BPGM: variants seen among roughly 807,000 people sequenced by gnomAD.
BPGM encodes bisphosphoglycerate mutase.
A neutral mutation model predicts 21.6 loss-of-function variants in BPGM; 15 were observed. That is an observed-to-expected ratio of 0.70 (90% CI 0.47 to 1.07). The LOEUF is 1.07. Ranked by LOEUF, BPGM falls within the 50% of genes least tolerant of loss-of-function variation. The pLI is 0.00. For synonymous variants in BPGM, 113 were observed against 116.2 expected (o/e 0.97, Z 0.18); for missense variants, 273 against 319.0 (o/e 0.86, Z 1.10).
chr7:134,670,824 C>T (rs978341892), intron 2 of BPGM, among the ~76,000 whole-genome samples: 1 of 151,754 alleles, frequency 6.6e-6, no homozygotes, highest in Non-Finnish European at 1.5e-5. Context: ...TTTTCTAATT[C>T]CAAAGAGTAT....
At chr7:134,654,005 T>C (rs1056408511) in intron 1 of BPGM, among the ~76,000 whole-genome samples, 1 of 152,124 alleles carries the variant, frequency 6.6e-6, no homozygotes, top group South Asian at 2.1e-4. Context: ...ACCTTGCCTT[T>C]CCAAATCCAG....
At chr7:134,649,409 G>C (rs1025786189) in intron 1 of BPGM, among the ~76,000 whole-genome samples, 1 of 152,170 alleles carries the variant, frequency 6.6e-6, no homozygotes. Flanking sequence ...TCTTTTGCCT[G>C]CTGTGGTTGG....
Position 134,661,964 on chromosome 7 carries a change from C to T in BPGM, c.457C>T (p.Pro153Ser), listed in dbSNP as rs1160557397. 5.6e-6 allele frequency: 9 copies of T among 1,614,156 alleles called. No homozygotes were observed. Among genetic ancestry groups the T allele is most frequent in the Non-Finnish European group, 7.6e-6 (9 of 1,180,030 alleles). The change falls in exon 2 of 3, where the codon CCA (proline) becomes TCA (serine). Residue 153 changes from proline (P) to serine (S), a missense_variant. By Grantham distance (74) the Pro-to-Ser change is moderately conservative (BLOSUM62 -1). Coordinates refer to ENST00000344924, the MANE Select transcript of BPGM (RefSeq NM_001724.5). This position sits in a 1 kb window ranked among gnomAD's most constrained non-coding sequence, Gnocchi z 4.6. ...KVCDVPLDQL[P>S]RSESLKDVLE... is the part of the protein sequence containing the mutation. ...ATGCGATGTGCCCTTGGATCAACTG[C>T]CACGGTCGGAAAGCTTAAAGGATGT...
At chr7:134,669,434 C>A (rs1352095177) in intron 2 of BPGM, among the ~76,000 whole-genome samples, 2 of 151,966 alleles carry the variant, frequency 1.3e-5, no homozygotes, top group Middle Eastern at 3.4e-3. Flanking sequence ...TGCTTATTAT[C>A]ATCAATTTCT....
chr7:134,659,656 G>T (rs1464699885), intron 1 of BPGM, among the ~76,000 whole-genome samples: 1 of 152,118 alleles, frequency 6.6e-6, no homozygotes, highest in South Asian at 2.1e-4. Context: ...AGGCTCTTCT[G>T]GTTCCCTGGC....
At chr7:134,652,087 G>T (rs561553341) in intron 1 of BPGM, among the ~76,000 whole-genome samples, 1 of 152,310 alleles carries the variant, frequency 6.6e-6, no homozygotes, top group South Asian at 2.1e-4. Context: ...TGATTTAAAT[G>T]TCTTCAGTAT....
At chr7:134,654,982 A>C (rs2131419397) in intron 1 of BPGM, among the ~76,000 whole-genome samples, 1 of 152,320 alleles carries the variant, frequency 6.6e-6, no homozygotes, top group East Asian at 1.9e-4. Context: ...TCTTCAAGCC[A>C]GATCACACTT....
chr7:134,660,469 G>A (rs1035119716), intron 1 of BPGM: 2 of 152,590 alleles, frequency 1.3e-5, no homozygotes, highest in African/African-American at 2.4e-5. Flanking sequence ...CAGATTCTCC[G>A]AGGATGGAGT....
At chr7:134,673,702 G>A (rs1783013785) in intron 2 of BPGM, among the ~76,000 whole-genome samples, 1 of 152,106 alleles carries the variant, frequency 6.6e-6, no homozygotes, top group Non-Finnish European at 1.5e-5. Flanking sequence ...GTCCATTTAG[G>A]ACCCAGCCTT....
At chr7:134,665,493 T>G (rs1795802303) in intron 2 of BPGM, among the ~76,000 whole-genome samples, 2 of 60,110 alleles carry the variant, frequency 3.3e-5, no homozygotes, top group Non-Finnish European at 2.8e-5. Flanking sequence ...AGGGATAGTA[T>G]TGGGAGATAT....
intron 1 of BPGM, among the ~76,000 whole-genome samples, chr7:134,657,962 A>AG (rs1343702523): frequency 1.3e-5 from 2 of 152,092 alleles, no homozygotes; most frequent in Non-Finnish European, 1.5e-5. Context: ...GGCCTAGGGG[A>AG]GGTTTCCCTT....
rs1275417187 is a variant in BPGM at position 134,661,347 on chromosome 7, G to T, written c.-61-100G>T. 2 of 974,874 alleles carry T rather than the reference G, an allele frequency of 2.1e-6. No individual in the cohort carries two copies. The highest frequency in any genetic ancestry group is 3.1e-6 in the Non-Finnish European group (2 of 648,040). The allele number at this position is 974,874 out of a possible 1,614,324, so 60.4% of individuals were successfully genotyped here. On this transcript the variant is annotated intron_variant, in intron 1 of 2. Transcript: ENST00000344924. The surrounding 1 kb of genome is among the most constrained non-coding windows in gnomAD (Gnocchi z 4.6). ...TATCACATTTCTGACTGTTCAAAGG[G>T]ATTTCAGTTTCTTTTAGAAATTGGG...
chr7:134,657,607 C>T (rs916067439), intron 1 of BPGM, among the ~76,000 whole-genome samples: 2 of 152,114 alleles, frequency 1.3e-5, no homozygotes, highest in Non-Finnish European at 2.9e-5. Context: ...ATCACCTGAA[C>T]CTAACCCTAG....
At chr7:134,653,437 G>C (rs1585852329) in intron 1 of BPGM, among the ~76,000 whole-genome samples, 1 of 152,120 alleles carries the variant, frequency 6.6e-6, no homozygotes, top group African/African-American at 2.4e-5. Context: ...CATACTCCTG[G>C]GTTTTCCTGT....
intron 2 of BPGM, among the ~76,000 whole-genome samples, chr7:134,664,569 G>T (rs73724819): frequency 6.6e-6 from 1 of 151,978 alleles, no homozygotes; most frequent in Non-Finnish European, 1.5e-5. Flanking sequence ...ACTTCAGCCT[G>T]TCTTTTTGAG....
intron 2 of BPGM, among the ~76,000 whole-genome samples, chr7:134,674,441 A>G (rs1795956693): frequency 6.6e-6 from 1 of 152,068 alleles, no homozygotes; most frequent in East Asian, 1.9e-4. Context: ...GCAACAACTA[A>G]TCTACTTTGT....
At position 134,673,965 on chromosome 7, in the gene BPGM, T is replaced by G. The variant is rs200798214; in HGVS notation, c.602-4888T>G. On this transcript the variant is annotated intron_variant, in intron 2 of 2. Transcript: ENST00000344924. ...TCTTGCTGTGTCACCCAGGCTGGAG[T>G]GCAATGGCACAATCTCGGTTCACTG... 1.2e-4 allele frequency among the ~76,000 whole-genome samples: 17 copies of G among 146,134 alleles called. No homozygotes were observed. In the East Asian group the frequency reaches 3.2e-3, roughly 28 times the overall value.
At chr7:134,668,654 T>G (rs1795855347) in intron 2 of BPGM, among the ~76,000 whole-genome samples, 1 of 152,220 alleles carries the variant, frequency 6.6e-6, no homozygotes, top group Non-Finnish European at 1.5e-5. Context: ...TGCGTTTTAC[T>G]TTGCTGTTTA....
At chr7:134,663,974 AAG>A (rs1287169310) in intron 2 of BPGM, among the ~76,000 whole-genome samples, 1 of 152,186 alleles carries the variant, frequency 6.6e-6, no homozygotes, top group African/African-American at 2.4e-5. Flanking sequence ...GGTGGGGGCA[AAG>A]AGAGAATTAC....
Sources: allele counts gnomAD v4.1 joint callset (sites outside exome capture counted in the v4.1 genomes callset), GRCh38; gene constraint gnomAD v4.1.1; non-coding constraint Gnocchi (gnomAD v3.1); transcripts MANE v1.5; gene names NCBI Gene and HGNC (gene_info 2026-07-23, HGNC 2026-07-21).